The following ANAPC7 variants were observed in gnomAD, a reference collection of about 807,000 sequenced individuals.
ANAPC7 encodes anaphase-promoting complex subunit 7.
ANAPC7 carries 25 observed loss-of-function variants against 63.3 expected under a neutral mutation model. That is an observed-to-expected ratio of 0.39 (90% CI 0.29 to 0.55). The LOEUF is 0.55. Ranked by LOEUF, ANAPC7 falls within the 20% of genes least tolerant of loss-of-function variation. The pLI, the probability that ANAPC7 is intolerant of heterozygous loss-of-function variation, is 0.57. For synonymous variants in ANAPC7, 241 were observed against 251.7 expected (o/e 0.96, Z 0.40); for missense variants, 516 against 691.7 (o/e 0.75, Z 2.85).
At chr12:110,395,272 G>C (rs753686130) in intron 2 of ANAPC7, 52 bp from the exon 3 acceptor site, 1 of 1,539,500 alleles carries the variant, frequency 6.5e-7, no homozygotes, top group African/African-American at 1.4e-5. Context: ...CAATATGACA[G>C]TTCTTCAAAA....
intron 3 of ANAPC7, among the ~76,000 whole-genome samples, chr12:110,393,652 G>T (rs956484021): frequency 6.6e-6 from 1 of 152,124 alleles, no homozygotes; most frequent in Admixed American, 6.6e-5. Context: ...TGGATCACCT[G>T]AAGTCGGGAG....
chr12:110,382,455 A>ACAT lies in ANAPC7; in HGVS notation c.935+387_935+388insATG, dbSNP rs1306028353. ...GATTATCCTTTTAAAAAAAAAAAAA[A>ACAT]AAAAAAATATATATATATATATATA... On this transcript the variant is annotated intron_variant, in intron 7 of 10. Transcript: ENST00000455511. Among the ~76,000 whole-genome samples, 68 of 70,468 alleles carry ACAT rather than the reference A, an allele frequency of 9.6e-4. 2 individuals carry two copies. Among genetic ancestry groups the ACAT allele is most frequent in the Non-Finnish European group, 1.7e-3 (61 of 36,468 alleles). The allele number at this position is 70,468 out of a possible 152,430, so 46.2% of individuals were successfully genotyped here. A position where few individuals can be genotyped will look rare whatever the true frequency, so the allele number is the denominator to read the frequency against.
intron 1 of ANAPC7, 51 bp downstream of exon 1, chr12:110,403,476 G>C: frequency 1.3e-6 from 2 of 1,538,572 alleles, no homozygotes; most frequent in South Asian, 1.2e-5. Context: ...CCCGCTCCCA[G>C]ACCGCCGCCG....
At chr12:110,396,515 TC>T in intron 1 of ANAPC7, 63 bp from the exon 2 acceptor site, 8 of 1,342,834 alleles carry the variant, frequency 6.0e-6, no homozygotes, top group Admixed American at 2.7e-5. Flanking sequence ...TCCCCCAGCT[TC>T]TTTTTTTTTT....
chr12:110,381,952 GAGAAA>G lies in ANAPC7; in HGVS notation c.936-9_936-5del. ...TTTGCTATAGAAGCTGTGACAGCTG[GAGAAA>G]AAAAAAAAAAAAAAAACACAAAAAC... On this transcript the variant is annotated splice_polypyrimidine_tract_variant and splice_region_variant and intron_variant, in intron 7 of 10. Coordinates refer to ENST00000455511, the MANE Select transcript of ANAPC7 (RefSeq NM_016238.3). 1.8e-6 allele frequency: 1 copy of G among 552,978 alleles called. No individual in the cohort carries two copies. Among genetic ancestry groups the G allele is most frequent in the Non-Finnish European group, 2.3e-6 (1 of 427,888 alleles). 34.3% of individuals were successfully genotyped at this position (552,978 alleles called of 1,614,324 possible).
At chr12:110,375,777 A>AT in intron 10 of ANAPC7, 1 of 1,073,790 alleles carries the variant, frequency 9.3e-7, no homozygotes, top group Non-Finnish European at 1.1e-6. Context: ...GCCCTATAAA[A>AT]ATATGTGTGT....
chr12:110,381,155 G>A (rs909194455), intron 8 of ANAPC7, among the ~76,000 whole-genome samples: 4 of 151,942 alleles, frequency 2.6e-5, no homozygotes, highest in African/African-American at 9.7e-5. Flanking sequence ...CAAATCCAGT[G>A]AAAGCCCTAA....
rs1391279733 is a variant in ANAPC7 at position 110,403,560 on chromosome 12, C to T, written c.68G>A (p.Ser23Asn). Residue 23 changes from serine to asparagine, a missense_variant, in exon 1 of 11, where the codon AGC (serine) becomes AAC (asparagine). Physicochemically the swap from Ser to Asn is conservative, Grantham distance 46. Transcript: ENST00000455511. Reference sequence around the variant, plus strand: ...ATTACTCATTGTAAGTAACAAGCTGCTGAGGAGCCGCACGTTGGAGTGCAG... The same window carrying T: ...ATTACTCATTGTAAGTAACAAGCTGTTGAGGAGCCGCACGTTGGAGTGCAG... The part of the protein sequence containing the change: ...AGLHSNVRLL[S>N]SLLLTMSNNN... 1 of 1,607,720 alleles carries T rather than the reference C, an allele frequency of 6.2e-7. No homozygotes were observed. Among genetic ancestry groups the T allele is most frequent in the Admixed American group, 1.7e-5 (1 of 58,926 alleles).
At chr12:110,374,997 C>G (rs1312723866) in intron 10 of ANAPC7, among the ~76,000 whole-genome samples, 1 of 152,148 alleles carries the variant, frequency 6.6e-6, no homozygotes, top group African/African-American at 2.4e-5. Context: ...CCTTAGTGAC[C>G]ATCACCCAAG....
intron 5 of ANAPC7, chr12:110,387,367 C>G (rs58142028): frequency 0.18 from 2,474 of 13,878 alleles, 72 homozygotes; most frequent in Middle Eastern, 0.25. Context: ...GAGAGAGAGA[C>G]AGAGAGAGAG....
At chr12:110,394,501 C>T (rs1012985978) in intron 3 of ANAPC7, among the ~76,000 whole-genome samples, 3 of 150,390 alleles carry the variant, frequency 2.0e-5, no homozygotes, top group Admixed American at 6.6e-5. Flanking sequence ...TGGTGGCAGG[C>T]GCCTATAATC....
intron 7 of ANAPC7, among the ~76,000 whole-genome samples, chr12:110,382,450 AAAAAAAAAAAAATATATATAT>A (rs964811023): frequency 3.7e-5 from 3 of 81,180 alleles, no homozygotes; most frequent in African/African-American, 1.7e-4. Context: ...TTAAAAAAAA[AAAAAAAAAAAAATATATATAT>A]ATATATATAT....
chr12:110,376,233 G>T lies in ANAPC7; in HGVS notation c.1358-17C>A. The T allele has an allele frequency of 6.2e-7, 1 of 1,612,958 alleles. No homozygotes were observed. The highest frequency in any genetic ancestry group is 8.5e-7 in the Non-Finnish European group (1 of 1,179,484). On this transcript the variant is annotated splice_polypyrimidine_tract_variant and intron_variant, in intron 9 of 10. Transcript: ENST00000455511. Reference sequence around the variant, plus strand: ...GTTCTCTGCCTGGGGGAATAAAAAAGACCCTCACTTAAGTCATGTACAAAA... The same window carrying T: ...GTTCTCTGCCTGGGGGAATAAAAAATACCCTCACTTAAGTCATGTACAAAA...
chr12:110,377,854 G>A, intron 8 of ANAPC7: 20 of 1,387,904 alleles, frequency 1.4e-5, no homozygotes, highest in Non-Finnish European at 1.9e-5. Flanking sequence ...CTTCAGTTTA[G>A]GGAAGGAAAC....
Position 110,388,531 on chromosome 12 carries a change from T to C in ANAPC7, c.501A>G (p.Leu167=). 1 of 1,614,046 alleles carries C rather than the reference T, an allele frequency of 6.2e-7. No homozygotes were observed. Among genetic ancestry groups the C allele is most frequent in the Non-Finnish European group, 8.5e-7 (1 of 1,179,954 alleles). Residue 167 remains leucine, a synonymous_variant, in exon 4 of 11, where the codon TTA becomes TTG. Transcript: ENST00000455511. ...SYKEVLRQCP[L]ALDAILGLLS... ...CTCTACCTAGAATGGCATCAAGGGC[T>C]AATGGGCACTGCCTCAGCACCTCCT...
In ANAPC7 at chr12:110,395,947, G is replaced by T. The variant is rs113505920; in HGVS notation, c.288+319C>A. Reference sequence around the variant, plus strand: ...AAAGACAATTTTTCCACAGATGGGGGGTGAGGGGGTGGTTTCAGGATGAAA... The same window carrying T: ...AAAGACAATTTTTCCACAGATGGGGTGTGAGGGGGTGGTTTCAGGATGAAA... On this transcript the variant is annotated intron_variant, in intron 2 of 10. Coordinates refer to ENST00000455511, the MANE Select transcript of ANAPC7 (RefSeq NM_016238.3). Among the ~76,000 whole-genome samples, 14 of 152,238 alleles carry T rather than the reference G, an allele frequency of 9.2e-5. 1 individual carries two copies. Among genetic ancestry groups the T allele is most frequent in the African/African-American group, 3.1e-4 (13 of 41,558 alleles).
intron 10 of ANAPC7, among the ~76,000 whole-genome samples, chr12:110,375,143 GA>G (rs1214341061): frequency 6.6e-6 from 1 of 152,168 alleles, no homozygotes; most frequent in Non-Finnish European, 1.5e-5. Context: ...AATGCGGACC[GA>G]TCTGTAACAT....
chr12:110,387,560 C>T, intron 5 of ANAPC7, 179 bp downstream of exon 5: 1 of 633,788 alleles, frequency 1.6e-6, no homozygotes, highest in South Asian at 2.5e-5. Flanking sequence ...AGGTCTCCAA[C>T]AGAGATGATT....
intron 8 of ANAPC7, among the ~76,000 whole-genome samples, chr12:110,378,349 C>A (rs1428340364): frequency 6.6e-6 from 1 of 152,258 alleles, no homozygotes; most frequent in African/African-American, 2.4e-5. Flanking sequence ...CCAGCTCAGC[C>A]TCCCAAAGTA....
Sources: allele counts gnomAD v4.1 joint callset (sites outside exome capture counted in the v4.1 genomes callset), GRCh38; gene constraint gnomAD v4.1.1; transcripts MANE v1.5; gene names NCBI Gene and HGNC (gene_info 2026-07-23, HGNC 2026-07-21).